The following TENM2 variants were observed in gnomAD, a reference collection of about 807,000 sequenced individuals.
The protein encoded by TENM2 is teneurin transmembrane protein 2.
TENM2 carries 52 observed loss-of-function variants against 245.2 expected under a neutral mutation model. The ratio of observed to expected loss-of-function variants is 0.21; its 90% confidence interval spans 0.17 to 0.27. The LOEUF (loss-of-function observed/expected upper bound fraction) is 0.27, where lower values mean the gene tolerates loss of function less well. Ranked by LOEUF, TENM2 falls within the 10% of genes least tolerant of loss-of-function variation. TENM2 has a pLI of 1.00. For synonymous variants in TENM2, 1,363 were observed against 1,438.9 expected (o/e 0.95, Z 1.19); for missense variants, 3,046 against 3,666.8 (o/e 0.83, Z 4.37).
chr5:168,230,533 C>G (rs914168667), intron 25 of TENM2, among the ~76,000 whole-genome samples: 66 of 152,240 alleles, frequency 4.3e-4, no homozygotes, highest in African/African-American at 1.5e-3. Context: ...TTTCGTGAGC[C>G]CATGGCAGGG....
chr5:167,856,772 A>G lies in TENM2; in HGVS notation c.503-19214A>G, dbSNP rs563923753. On this transcript the variant is annotated intron_variant, in intron 2 of 28. Coordinates refer to ENST00000518659, the Ensembl canonical transcript of TENM2. Reference sequence around the variant, plus strand: ...CTGAATTTAAAGGGCCTACAATCCTACTTCCCACTGAATGCCAAAACATTG... The same window carrying G: ...CTGAATTTAAAGGGCCTACAATCCTGCTTCCCACTGAATGCCAAAACATTG... Among the ~76,000 whole-genome samples, 555 of 152,326 alleles carry G rather than the reference A, an allele frequency of 3.6e-3. 2 individuals carry two copies. Among genetic ancestry groups the G allele is most frequent in the African/African-American group, 0.012 (510 of 41,562 alleles).
intron 2 of TENM2, among the ~76,000 whole-genome samples, chr5:167,488,122 A>G (rs1768196151): frequency 6.6e-6 from 1 of 152,272 alleles, no homozygotes; most frequent in East Asian, 1.9e-4. Flanking sequence ...CAGGAATTCT[A>G]CTGTTTCTCT....
chr5:167,604,386 G>T (rs1414398559), intron 2 of TENM2, among the ~76,000 whole-genome samples: 1 of 152,118 alleles, frequency 6.6e-6, no homozygotes, highest in Non-Finnish European at 1.5e-5. Context: ...GGGCAGTGGG[G>T]CATTTTTTTC....
intron 2 of TENM2, among the ~76,000 whole-genome samples, chr5:167,854,469 A>G (rs973949764): frequency 6.6e-6 from 1 of 152,166 alleles, no homozygotes; most frequent in Non-Finnish European, 1.5e-5. Flanking sequence ...CTCTGCTTAG[A>G]TTTTTATTAA....
the TENM2 span, among the ~76,000 whole-genome samples, chr5:167,029,373 G>A: frequency 4.0e-4 from 61 of 152,184 alleles, no homozygotes; most frequent in Middle Eastern, 3.4e-3. Context: ...AAAAATTTTC[G>A]TTGATCCCCT....
At chr5:168,006,998 G>C (rs1784872878) in intron 5 of TENM2, among the ~76,000 whole-genome samples, 2 of 152,106 alleles carry the variant, frequency 1.3e-5, no homozygotes, top group African/African-American at 4.8e-5. Context: ...CTCATCAACA[G>C]GCCCAAGCTT....
chr5:167,743,697 A>G (rs1367981988), intron 2 of TENM2, among the ~76,000 whole-genome samples: 62 of 152,198 alleles, frequency 4.1e-4, no homozygotes, highest in Non-Finnish European at 1.2e-4. Context: ...TCTTATTGAC[A>G]AGACAAAAGA....
chr5:167,822,603 G>A (rs2151045031), intron 2 of TENM2, among the ~76,000 whole-genome samples: 1 of 152,332 alleles, frequency 6.6e-6, no homozygotes, highest in East Asian at 1.9e-4. Flanking sequence ...GATAGTTTCA[G>A]AATATATGTT....
chr5:167,907,524 AATATATATATAT>A (rs56159044), intron 3 of TENM2, among the ~76,000 whole-genome samples: 2,279 of 78,160 alleles, frequency 0.029, 41 homozygotes, highest in Middle Eastern at 0.08. Flanking sequence ...GATCACCCTA[AATATATATATAT>A]ATATATATAT....
chr5:167,779,222 G>C (rs1182215475), intron 2 of TENM2, among the ~76,000 whole-genome samples: 1 of 152,202 alleles, frequency 6.6e-6, no homozygotes, highest in Admixed American at 6.5e-5. Flanking sequence ...GGACTAATGT[G>C]AAGACCTTTC....
chr5:167,763,859 T>C lies in TENM2; in HGVS notation c.503-112127T>C, dbSNP rs553299952. Reference sequence around the variant, plus strand: ...TAATTTACAGTGAGCATTTTTTTTTTCCTTTTTCTTTCTTTGATTTTTTCA... The same window carrying C: ...TAATTTACAGTGAGCATTTTTTTTTCCCTTTTTCTTTCTTTGATTTTTTCA... On this transcript the variant is annotated intron_variant, in intron 2 of 28. Coordinates refer to ENST00000518659, the Ensembl canonical transcript of TENM2. Among the ~76,000 whole-genome samples the C allele has an allele frequency of 9.9e-5, 15 of 152,272 alleles. No homozygotes were observed. The South Asian group carries it at 3.1e-3, about 32-fold the overall frequency.
chr5:167,666,823 A>AG (rs1368671564), intron 2 of TENM2, among the ~76,000 whole-genome samples: 3 of 152,212 alleles, frequency 2.0e-5, no homozygotes, highest in Admixed American at 2.0e-4. Context: ...GGTGGAAAAA[A>AG]CATATTGAAT....
At chr5:167,686,697 G>A (rs1028153092) in intron 2 of TENM2, among the ~76,000 whole-genome samples, 5 of 152,026 alleles carry the variant, frequency 3.3e-5, no homozygotes, top group Admixed American at 1.3e-4. Flanking sequence ...TTTGGGATTT[G>A]AAAAACCAAA....
chr5:167,889,639 TC>T (rs1466123867), intron 3 of TENM2, among the ~76,000 whole-genome samples: 2 of 152,138 alleles, frequency 1.3e-5, no homozygotes, highest in African/African-American at 4.8e-5. Flanking sequence ...GCGATTTTGT[TC>T]CTGTGGGAGC....
At position 167,992,995 on chromosome 5, in the gene TENM2, T is replaced by C. The variant is rs746144093; in HGVS notation, c.999T>C (p.Ser333=). 3.7e-6 allele frequency: 6 copies of C among 1,613,362 alleles called. No homozygotes were observed. The South Asian group carries it at 6.6e-5, about 18-fold the overall frequency. Residue 333 remains serine (S), a synonymous_variant, in exon 5 of 29, where the codon TCT becomes TCC. Coordinates refer to ENST00000518659, the Ensembl canonical transcript of TENM2. ...GGAGCACACCCTTGTTCAGCAGCTC[T>C]TCCCCGGGATACCCTTTGACCTCAG... is the stretch of plus-strand genomic sequence containing the variant.
chr5:168,258,190 A>G (rs891523232), intron 27 of TENM2, among the ~76,000 whole-genome samples: 6 of 152,206 alleles, frequency 3.9e-5, no homozygotes, highest in Non-Finnish European at 7.3e-5. Context: ...TTATAGCAGC[A>G]TTATTCATAA....
chr5:167,637,068 G>A (rs1779249271), intron 2 of TENM2, among the ~76,000 whole-genome samples: 2 of 152,078 alleles, frequency 1.3e-5, no homozygotes, highest in Admixed American at 1.3e-4. Context: ...ACGATATGGG[G>A]GAAACAAAAT....
intron 2 of TENM2, among the ~76,000 whole-genome samples, chr5:167,684,707 G>A (rs549995347): frequency 4.6e-5 from 7 of 152,164 alleles, no homozygotes; most frequent in South Asian, 2.1e-4. Flanking sequence ...TTACTAATAC[G>A]AACAGTCGTA....
chr5:167,483,659 A>G lies in TENM2; in HGVS notation c.502+108186A>G, dbSNP rs117190309. Among the ~76,000 whole-genome samples the G allele has an allele frequency of 4.6e-3, 704 of 152,340 alleles. 30 individuals are homozygous for G. In the South Asian group the frequency reaches 0.092, roughly 20 times the overall value. ...TATATTCAAACAAGCTAATGAGTACATTCTTTTTCTTCTGCTCAACTTGAA... is the reference window on the plus strand; with the variant it reads ...TATATTCAAACAAGCTAATGAGTACGTTCTTTTTCTTCTGCTCAACTTGAA... On this transcript the variant is annotated intron_variant, in intron 2 of 28. Transcript: ENST00000518659.
Sources: gnomAD v4.1 joint callset for allele counts (sites outside exome capture counted in the v4.1 genomes callset) on GRCh38, gnomAD v4.1.1 for gene constraint, MANE v1.5 for transcripts, NCBI Gene and HGNC (gene_info 2026-07-23, HGNC 2026-07-21) for gene names.